The following GALNT10 variants were observed in gnomAD, a reference collection of about 807,000 sequenced individuals.
The protein encoded by GALNT10 is polypeptide N-acetylgalactosaminyltransferase 10, also known as GalNAc transferase 10.
Under a neutral mutation model 75.0 loss-of-function variants are expected in GALNT10, and 41 were observed. The observed-to-expected ratio is 0.55, with a 90% CI of 0.43 to 0.71. The LOEUF is 0.71. Ranked by LOEUF, GALNT10 falls within the 30% of genes least tolerant of loss-of-function variation. The probability of loss-of-function intolerance (pLI) is 0.00; values close to 1 mark genes in which losing one functional copy is unlikely to be tolerated. For synonymous variants in GALNT10, 302 were observed against 313.0 expected, an observed-to-expected ratio of 0.96 and a Z score of 0.37; for missense variants, 727 against 818.5, an observed-to-expected ratio of 0.89 and a Z score of 1.36.
intron 1 of GALNT10, among the ~76,000 whole-genome samples, chr5:154,263,403 C>A (rs1441678675): frequency 1.3e-5 from 2 of 152,124 alleles, no homozygotes; most frequent in African/African-American, 4.8e-5. Context: ...ACACAAAGAC[C>A]ACGTATTGCA....
chr5:154,239,962 G>A (rs1233537271), intron 1 of GALNT10, among the ~76,000 whole-genome samples: 2 of 152,222 alleles, frequency 1.3e-5, no homozygotes, highest in African/African-American at 4.8e-5. Context: ...AGAGCTCTTA[G>A]AAGACTGAAT....
chr5:154,395,797 G>T (rs1267428973), intron 7 of GALNT10, among the ~76,000 whole-genome samples: 1 of 152,210 alleles, frequency 6.6e-6, no homozygotes, highest in Non-Finnish European at 1.5e-5. Context: ...TCCAGTACGC[G>T]GTGGCTCCCA....
chr5:154,223,286 G>T (rs1014774446), intron 1 of GALNT10, among the ~76,000 whole-genome samples: 3 of 152,180 alleles, frequency 2.0e-5, no homozygotes, highest in Non-Finnish European at 4.4e-5. Context: ...AACCCTCTGA[G>T]GTAGATTGTC....
intron 1 of GALNT10, among the ~76,000 whole-genome samples, chr5:154,248,284 C>A (rs559845829): frequency 6.6e-6 from 1 of 151,978 alleles, no homozygotes; most frequent in African/African-American, 2.4e-5. Context: ...TTTTTTGTTG[C>A]GTCTCTGCCA....
At chr5:154,405,305 G>C (rs1483627760) in intron 8 of GALNT10, among the ~76,000 whole-genome samples, 1 of 152,196 alleles carries the variant, frequency 6.6e-6, no homozygotes, top group East Asian at 1.9e-4. Flanking sequence ...GCGTCTCCCT[G>C]AGAGCCATCA....
intron 1 of GALNT10, among the ~76,000 whole-genome samples, chr5:154,291,502 C>T (rs1167440212): frequency 6.6e-6 from 1 of 152,182 alleles, no homozygotes; most frequent in Admixed American, 6.5e-5. Flanking sequence ...CTAGTCCCAA[C>T]CCTGCACTTG....
At chr5:154,273,341 G>A (rs555785345) in intron 1 of GALNT10, among the ~76,000 whole-genome samples, 8 of 152,280 alleles carry the variant, frequency 5.3e-5, no homozygotes, top group African/African-American at 9.6e-5. Context: ...AACAAAGATC[G>A]TGGAGAAATA....
chr5:154,368,107 C>A (rs964382746), intron 4 of GALNT10, among the ~76,000 whole-genome samples: 2 of 152,164 alleles, frequency 1.3e-5, no homozygotes, highest in African/African-American at 4.8e-5. Context: ...GCTCAGTGGG[C>A]CCCACCCATC....
intron 1 of GALNT10, among the ~76,000 whole-genome samples, chr5:154,243,798 G>A (rs1753376592): frequency 6.6e-6 from 1 of 152,180 alleles, no homozygotes; most frequent in South Asian, 2.1e-4. Flanking sequence ...AAGTTGCTAG[G>A]GGAGCTGGTC....
chr5:154,234,240 C>G (rs1326492211), intron 1 of GALNT10, among the ~76,000 whole-genome samples: 1 of 152,122 alleles, frequency 6.6e-6, no homozygotes, highest in Non-Finnish European at 1.5e-5. Context: ...TCTCCTCATC[C>G]CCACCTGCCA....
chr5:154,374,924 C>T (rs1364690308), intron 4 of GALNT10, among the ~76,000 whole-genome samples: 1 of 152,114 alleles, frequency 6.6e-6, no homozygotes, highest in Non-Finnish European at 1.5e-5. Flanking sequence ...ATTATTAGCT[C>T]TTTATTAGAA....
At chr5:154,383,730 G>A (rs765960332) in intron 6 of GALNT10, among the ~76,000 whole-genome samples, 30 of 152,142 alleles carry the variant, frequency 2.0e-4, no homozygotes, top group African/African-American at 5.3e-4. Context: ...CTTTCCAAGC[G>A]GTAGATTTGT....
At chr5:154,366,949 G>T (rs1490347636) in intron 4 of GALNT10, among the ~76,000 whole-genome samples, 1 of 152,200 alleles carries the variant, frequency 6.6e-6, no homozygotes, top group Non-Finnish European at 1.5e-5. Context: ...TCAGGATCAA[G>T]TGGGCCACCT....
At chr5:154,396,864 C>T (rs1001614570) in intron 7 of GALNT10, among the ~76,000 whole-genome samples, 2 of 152,158 alleles carry the variant, frequency 1.3e-5, no homozygotes, top group Non-Finnish European at 2.9e-5. Flanking sequence ...CGGTGGCTCA[C>T]ACCTGTAATT....
chr5:154,383,391 T>G (rs1948834842), intron 6 of GALNT10, among the ~76,000 whole-genome samples: 1 of 152,182 alleles, frequency 6.6e-6, no homozygotes, highest in South Asian at 2.1e-4. Context: ...TATTTAACAT[T>G]TCTGATTTTC....
intron 2 of GALNT10, 22 bp downstream of exon 2, chr5:154,294,940 A>G (rs1754250745): frequency 8.7e-7 from 1 of 1,150,188 alleles, no homozygotes; most frequent in Non-Finnish European, 1.3e-6. Flanking sequence ...AGGATTGGCC[A>G]TGGGTGGGCT....
chr5:154,398,356 G>A (rs1756089919), intron 7 of GALNT10, among the ~76,000 whole-genome samples: 1 of 152,200 alleles, frequency 6.6e-6, no homozygotes, highest in African/African-American at 2.4e-5. Flanking sequence ...TCTGCATCTC[G>A]AACAAGATGG....
At chr5:154,372,348 G>C (rs1328917559) in intron 4 of GALNT10, among the ~76,000 whole-genome samples, 1 of 152,176 alleles carries the variant, frequency 6.6e-6, no homozygotes, top group African/African-American at 2.4e-5. Context: ...TGGAGAAAGT[G>C]GGCACCGAAG....
At chr5:154,234,263 C>T (rs868023247) in intron 1 of GALNT10, among the ~76,000 whole-genome samples, 1 of 152,266 alleles carries the variant, frequency 6.6e-6, no homozygotes, top group Non-Finnish European at 1.5e-5. Context: ...GCATCAACAT[C>T]AGATCCCACA....
Sources: allele counts gnomAD v4.1 joint callset (sites outside exome capture counted in the v4.1 genomes callset), GRCh38; gene constraint gnomAD v4.1.1; transcripts MANE v1.5; gene names NCBI Gene and HGNC (gene_info 2026-07-23, HGNC 2026-07-21).